LRRTM4: variants seen among roughly 807,000 people sequenced by gnomAD.
LRRTM4 encodes leucine rich repeat transmembrane neuronal 4.
A neutral mutation model predicts 47.6 loss-of-function variants in LRRTM4; 25 were observed. The ratio of observed to expected loss-of-function variants is 0.53; its 90% CI spans 0.38 to 0.73. LRRTM4 has a LOEUF of 0.73. LRRTM4 is among the 30% of genes least tolerant of loss of function. The probability of loss-of-function intolerance (pLI) is 0.00; values close to 1 mark genes in which losing one functional copy is unlikely to be tolerated. For synonymous variants in LRRTM4, 311 were observed against 269.5 expected, an observed-to-expected ratio of 1.15 and a Z score of -1.51; for missense variants, 638 against 713.4, an observed-to-expected ratio of 0.89 and a Z score of 1.20.
At chr2:77,207,866 CTTTTTT>C (rs754540782) in intron 3 of LRRTM4, among the ~76,000 whole-genome samples, 5 of 42,614 alleles carry the variant, frequency 1.2e-4, no homozygotes, top group South Asian at 1.2e-3. Flanking sequence ...GGGAAAGTGG[CTTTTTT>C]TTTTTTTTTT....
intron 3 of LRRTM4, among the ~76,000 whole-genome samples, chr2:77,038,357 T>A (rs1055495867): frequency 3.8e-3 from 571 of 151,770 alleles, no homozygotes; most frequent in African/African-American, 0.013. Flanking sequence ...ACCTTAGGCA[T>A]GTTAAGCTAA....
chr2:77,222,613 T>C (rs1424126922), intron 3 of LRRTM4, among the ~76,000 whole-genome samples: 2 of 152,046 alleles, frequency 1.3e-5, no homozygotes, highest in Admixed American at 6.6e-5. Flanking sequence ...CTAGAAGAAA[T>C]GGATAAATTC....
intron 3 of LRRTM4, among the ~76,000 whole-genome samples, chr2:76,892,924 G>C (rs1673300809): frequency 6.6e-6 from 1 of 151,048 alleles, no homozygotes; most frequent in African/African-American, 2.4e-5. Context: ...CTAATGCTTT[G>C]GGGATTTTTA....
chr2:77,359,534 A>T (rs1028896037), intron 3 of LRRTM4, among the ~76,000 whole-genome samples: 4 of 152,188 alleles, frequency 2.6e-5, no homozygotes, highest in Non-Finnish European at 5.9e-5. Flanking sequence ...AAAAAATGTG[A>T]TGCTCTTTAC....
intron 3 of LRRTM4, among the ~76,000 whole-genome samples, chr2:77,121,749 C>T (rs181523104): frequency 5.9e-5 from 9 of 151,816 alleles, no homozygotes; most frequent in African/African-American, 1.4e-4. Context: ...ATTAGCCAAT[C>T]GCTTTTCTAC....
intron 3 of LRRTM4, among the ~76,000 whole-genome samples, chr2:76,954,146 G>A (rs1170449598): frequency 6.6e-6 from 1 of 151,728 alleles, no homozygotes; most frequent in African/African-American, 2.4e-5. Flanking sequence ...CAAAGTGTAT[G>A]GATCCCCACA....
chr2:77,027,295 T>C (rs1396708780), intron 3 of LRRTM4, among the ~76,000 whole-genome samples: 1 of 152,172 alleles, frequency 6.6e-6, no homozygotes, highest in Non-Finnish European at 1.5e-5. Flanking sequence ...GGATTATTTT[T>C]TAAAGGTTAT....
intron 3 of LRRTM4, among the ~76,000 whole-genome samples, chr2:77,364,373 A>G (rs568969331): frequency 7.9e-5 from 12 of 152,130 alleles, no homozygotes; most frequent in Non-Finnish European, 1.8e-4. Context: ...TAAAGGACTT[A>G]GAGAACTACA....
chr2:76,783,362 A>T (rs937575734), intron 3 of LRRTM4, among the ~76,000 whole-genome samples: 1 of 152,168 alleles, frequency 6.6e-6, no homozygotes, highest in African/African-American at 2.4e-5. Flanking sequence ...GTATATTTTT[A>T]AAAACTTTTT....
intron 3 of LRRTM4, among the ~76,000 whole-genome samples, chr2:77,100,885 G>C (rs1670935487): frequency 6.8e-6 from 1 of 146,262 alleles, no homozygotes; most frequent in African/African-American, 2.6e-5. Context: ...TCTTACTCTG[G>C]AGTGCAGTGG....
chr2:76,987,632 C>T (rs745381582), intron 3 of LRRTM4: 1 of 151,838 alleles, frequency 6.6e-6, no homozygotes, highest in African/African-American at 2.4e-5. Context: ...ATATTCATCT[C>T]TTATGGTCAG....
chr2:76,913,354 T>G (rs1012659077), intron 3 of LRRTM4, among the ~76,000 whole-genome samples: 2 of 152,024 alleles, frequency 1.3e-5, no homozygotes, highest in Non-Finnish European at 2.9e-5. Flanking sequence ...ATGATTGTGT[T>G]TCTCTGATTA....
intron 3 of LRRTM4, among the ~76,000 whole-genome samples, chr2:76,763,201 C>G (rs1409189798): frequency 6.6e-6 from 1 of 152,290 alleles, no homozygotes; most frequent in East Asian, 1.9e-4. Flanking sequence ...CTCTCATACC[C>G]TTTGTCTAGT....
At chr2:77,189,966 G>A (rs1181752196) in intron 3 of LRRTM4, among the ~76,000 whole-genome samples, 4 of 152,150 alleles carry the variant, frequency 2.6e-5, no homozygotes, top group African/African-American at 9.6e-5. Context: ...TGTATTTTGA[G>A]TTTCAGAGAA....
At chr2:76,782,688 A>G (rs1573095220) in intron 3 of LRRTM4, among the ~76,000 whole-genome samples, 1 of 151,950 alleles carries the variant, frequency 6.6e-6, no homozygotes, top group East Asian at 1.9e-4. Flanking sequence ...ATTTTTTTCT[A>G]TATTTTACAG....
chr2:76,756,349 G>A (rs1673030382), intron 3 of LRRTM4, among the ~76,000 whole-genome samples: 1 of 152,028 alleles, frequency 6.6e-6, no homozygotes, highest in Non-Finnish European at 1.5e-5. Flanking sequence ...TCCATGTATT[G>A]ATTCATGAGT....
intron 3 of LRRTM4, among the ~76,000 whole-genome samples, chr2:77,028,944 A>G (rs540882924): frequency 1.3e-5 from 2 of 151,174 alleles, no homozygotes; most frequent in East Asian, 2.0e-4. Context: ...CTGAGGCAGG[A>G]GAATGGTGTG....
intron 3 of LRRTM4, among the ~76,000 whole-genome samples, chr2:77,443,668 G>T (rs998146319): frequency 2.6e-5 from 4 of 151,990 alleles, no homozygotes; most frequent in Non-Finnish European, 4.4e-5. Flanking sequence ...TAATTCCATG[G>T]TTCAAGAAAA....
At chr2:77,333,088 G>A (rs1671029935) in intron 3 of LRRTM4, among the ~76,000 whole-genome samples, 1 of 152,212 alleles carries the variant, frequency 6.6e-6, no homozygotes, top group Non-Finnish European at 1.5e-5. Flanking sequence ...TACATAAGAT[G>A]TGACTTGCTC....
Sources: allele counts gnomAD v4.1 joint callset (sites outside exome capture counted in the v4.1 genomes callset), GRCh38; gene constraint gnomAD v4.1.1; transcripts MANE v1.5; gene names NCBI Gene and HGNC (gene_info 2026-07-23, HGNC 2026-07-21).